IL21R: variants seen among roughly 807,000 people sequenced by gnomAD.
IL21R encodes interleukin 21 receptor.
Under a neutral mutation model 41.3 loss-of-function variants are expected in IL21R, and 14 were observed. The ratio of observed to expected loss-of-function variants is 0.34; its 90% CI spans 0.22 to 0.53. IL21R has a LOEUF of 0.53. Among genes scored for constraint, IL21R ranks in the 20% least tolerant of loss-of-function variants. The pLI is 0.94. For synonymous variants in IL21R, 286 were observed against 287.6 expected (o/e 0.99, Z 0.05); for missense variants, 588 against 681.6 (o/e 0.86, Z 1.53).
intron 4 of IL21R, among the ~76,000 whole-genome samples, chr16:27,440,673 GA>G (rs1302307198): frequency 6.6e-6 from 1 of 152,166 alleles, no homozygotes; most frequent in African/African-American, 2.4e-5. Flanking sequence ...CTGCCCCAAG[GA>G]GCTAAGAGCC....
At chr16:27,404,182 G>T (rs966865100) in intron 1 of IL21R, among the ~76,000 whole-genome samples, 2 of 152,182 alleles carry the variant, frequency 1.3e-5, no homozygotes, top group African/African-American at 4.8e-5. Context: ...GCTCAGCGAT[G>T]CCCCTGTCCT....
At chr16:27,412,700 TAA>T (rs911204265) in intron 1 of IL21R, among the ~76,000 whole-genome samples, 17 of 152,146 alleles carry the variant, frequency 1.1e-4, no homozygotes, top group African/African-American at 4.1e-4. Context: ...CCTCCTTGGC[TAA>T]GTTTATTCCT....
intron 1 of IL21R, among the ~76,000 whole-genome samples, chr16:27,413,713 G>A (rs758748707): frequency 5.9e-5 from 9 of 151,764 alleles, no homozygotes; most frequent in Non-Finnish European, 1.3e-4. Context: ...TTTATTTGAA[G>A]TATCCAATTC....
Position 27,449,578 on chromosome 16 carries a change from A to C in IL21R, c.*295A>C. 2.2e-6 allele frequency: 1 copy of C among 462,082 alleles called. No individual in the cohort carries two copies. Among genetic ancestry groups the C allele is most frequent in the Non-Finnish European group, 3.9e-6 (1 of 258,922 alleles). 28.6% of individuals were successfully genotyped at this position (462,082 alleles called of 1,614,324 possible). A position where few individuals can be genotyped will look rare whatever the true frequency, so the allele number is the denominator to read the frequency against. On this transcript the variant is annotated 3_prime_UTR_variant, in exon 9 of 9. Coordinates refer to ENST00000337929, the MANE Select transcript of IL21R (RefSeq NM_181078.3). The stretch of plus-strand genomic sequence containing the variant: ...CTCCATGCATTCACCTGCCCTGTGC[A>C]TGTCTGGACTCACGGAGCTCACCCA...
At chr16:27,421,335 C>CAAAAAAAAAAAAAAAAAAAAAA in intron 1 of IL21R, among the ~76,000 whole-genome samples, 1 of 84,196 alleles carries the variant, frequency 1.2e-5, no homozygotes, top group Non-Finnish European at 2.2e-5. Flanking sequence ...TCAATTTCTG[C>CAAAAAAAAAAAAAAAAAAAAAA]AAAAAAAAAA....
At chr16:27,442,504 C>T (rs933618694) in intron 4 of IL21R, among the ~76,000 whole-genome samples, 3 of 152,182 alleles carry the variant, frequency 2.0e-5, no homozygotes, top group Non-Finnish European at 1.5e-5. Flanking sequence ...GATGGGACTA[C>T]AGGCGCCCGC....
chr16:27,409,921 T>TG (rs1229189675), intron 1 of IL21R, among the ~76,000 whole-genome samples: 5 of 152,148 alleles, frequency 3.3e-5, no homozygotes, highest in African/African-American at 2.4e-5. Context: ...TACTTCAATT[T>TG]GGGGGGGACT....
intron 3 of IL21R, 54 bp downstream of exon 3, chr16:27,434,503 A>G: frequency 8.9e-7 from 1 of 1,128,710 alleles, no homozygotes; most frequent in South Asian, 1.3e-5. Flanking sequence ...GTGCCTGCTC[A>G]GTGATTCCCC....
rs576438938 is a variant in IL21R at position 27,419,387 on chromosome 16, G to A, written c.-16-10669G>A. 6.6e-5 allele frequency among the ~76,000 whole-genome samples: 10 copies of A among 152,188 alleles called. No homozygotes were observed. In the East Asian group the frequency reaches 7.7e-4, roughly 12 times the overall value. On this transcript the variant is annotated intron_variant, in intron 1 of 8. Coordinates refer to ENST00000337929, the MANE Select transcript of IL21R (RefSeq NM_181078.3). ...TCCTATGATAATGATGCCTTCTTCC[G>A]GAATCCATCCTGAAGGACCTGCCTG...
rs573659552 is a variant in IL21R at position 27,442,984 on chromosome 16, C to T, written c.375C>T (p.Asn125=). Residue 125 remains asparagine (N), a synonymous_variant, in exon 5 of 9, where the codon AAC becomes AAT. Coordinates refer to ENST00000337929, the MANE Select transcript of IL21R (RefSeq NM_181078.3). Reference sequence around the variant, plus strand: ...AAGTCAAGCCGGCTCCCCCTTTCAACGTGACTGTGACCTTCTCAGGACAGT... The same window carrying T: ...AAGTCAAGCCGGCTCCCCCTTTCAATGTGACTGTGACCTTCTCAGGACAGT... ...AESIKPAPPF[N]VTVTFSGQYN... 7.5e-6 allele frequency: 12 copies of T among 1,596,042 alleles called. No homozygotes were observed. In the African/African-American group the frequency reaches 8.1e-5, roughly 11 times the overall value.
intron 3 of IL21R, among the ~76,000 whole-genome samples, chr16:27,435,792 G>A (rs556950228): frequency 4.3e-4 from 62 of 143,638 alleles, no homozygotes; most frequent in East Asian, 8.5e-4. Context: ...TTTTGGAGAC[G>A]GAGTCTCACT....
At chr16:27,407,283 C>T (rs570283200) in intron 1 of IL21R, among the ~76,000 whole-genome samples, 2 of 152,308 alleles carry the variant, frequency 1.3e-5, no homozygotes, top group African/African-American at 4.8e-5. Flanking sequence ...GTTACAAACA[C>T]ATACACAGAG....
intron 4 of IL21R, among the ~76,000 whole-genome samples, chr16:27,440,279 A>AGAGC (rs1567370043): frequency 1.4e-4 from 18 of 131,886 alleles, no homozygotes; most frequent in African/African-American, 4.7e-4. Flanking sequence ...AGAGAGAGAG[A>AGAGC]GCGAGCAAGC....
intron 8 of IL21R, among the ~76,000 whole-genome samples, 181 bp downstream of exon 8, chr16:27,446,269 T>G (rs1205757811): frequency 6.6e-6 from 1 of 152,124 alleles, no homozygotes; most frequent in Non-Finnish European, 1.5e-5. Context: ...ATTCTTGTGG[T>G]GCAGAATTGG....
Position 27,443,132 on chromosome 16 carries a change from A to T in IL21R, c.507+16A>T, listed in dbSNP as rs771022312. The T allele has an allele frequency of 6.2e-7, 1 of 1,602,678 alleles. No individual in the cohort carries two copies. The highest frequency in any genetic ancestry group is 8.5e-7 in the Non-Finnish European group (1 of 1,174,224). On this transcript the variant is annotated intron_variant, in intron 5 of 8. Transcript: ENST00000337929. The stretch of plus-strand genomic sequence containing the variant: ...CTGGGCTGTGGTGAGGAATGTGGGG[A>T]TCAGTGCAGCTTTGTGGGAGGGGAG...
intron 1 of IL21R, 125 bp from the exon 2 acceptor site, chr16:27,429,931 T>C: frequency 1.3e-6 from 1 of 747,710 alleles, no homozygotes; most frequent in Non-Finnish European, 2.1e-6. Context: ...CCTCGGGATC[T>C]TGCATTTTTC....
At chr16:27,412,069 G>A (rs2086831601) in intron 1 of IL21R, among the ~76,000 whole-genome samples, 2 of 152,124 alleles carry the variant, frequency 1.3e-5, no homozygotes, top group African/African-American at 4.8e-5. Context: ...TATAGTTTCA[G>A]GTCTTATGTT....
At chr16:27,418,507 T>TG (rs956023535) in intron 1 of IL21R, among the ~76,000 whole-genome samples, 7 of 152,172 alleles carry the variant, frequency 4.6e-5, no homozygotes, top group Admixed American at 1.3e-4. Flanking sequence ...TAGCTGGGAC[T>TG]ACAGGTGCGC....
intron 7 of IL21R, among the ~76,000 whole-genome samples, 178 bp from the exon 8 acceptor site, chr16:27,445,829 G>A (rs1421575564): frequency 6.6e-6 from 1 of 152,176 alleles, no homozygotes; most frequent in Non-Finnish European, 1.5e-5. Flanking sequence ...CTGTGAGGGA[G>A]ACTTACTTCT....
Sources: gnomAD v4.1 joint callset for allele counts (sites outside exome capture counted in the v4.1 genomes callset) on GRCh38, gnomAD v4.1.1 for gene constraint, MANE v1.5 for transcripts, NCBI Gene and HGNC (gene_info 2026-07-23, HGNC 2026-07-21) for gene names.